The following ARHGEF7 variants were observed in gnomAD, a reference collection of about 807,000 sequenced individuals.
ARHGEF7 encodes the protein Rho guanine nucleotide exchange factor 7.
A neutral mutation model predicts 109.8 loss-of-function variants in ARHGEF7; 33 were observed. That is an observed-to-expected ratio of 0.30 (90% CI 0.23 to 0.40). The LOEUF is 0.40. Ranked by LOEUF, ARHGEF7 falls within the 10% of genes least tolerant of loss-of-function variation. ARHGEF7 has a pLI of 1.00. For missense variants in ARHGEF7, 938 were observed against 1,098.5 expected, an observed-to-expected ratio of 0.85 and a Z score of 2.07; for synonymous variants, 458 against 424.6, an observed-to-expected ratio of 1.08 and a Z score of -0.97.
chr13:111,273,896 T>G lies in ARHGEF7; in HGVS notation c.1156T>G (p.Phe386Val). 6.2e-7 allele frequency: 1 copy of G among 1,614,142 alleles called. No homozygotes were observed. Among genetic ancestry groups the G allele is most frequent in the Non-Finnish European group, 8.5e-7 (1 of 1,180,024 alleles). The part of the protein sequence containing the change: ...LVLTTGLSKP[F>V]MRLDKYPTLL... ...GCTGACCACGGGCCTGAGCAAACCC[T>G]TCATGCGCCTGGATAAATACCCTAC... Residue 386 changes from phenylalanine (F) to valine (V), a missense_variant, in exon 10 of 22, where the codon TTC becomes GTC. Transcript: ENST00000646102. The surrounding 1 kb of genome is among the most constrained non-coding windows in gnomAD (Gnocchi z 4.5).
chr13:111,212,542 T>C (rs3783088), intron 4 of ARHGEF7, among the ~76,000 whole-genome samples: 69,407 of 151,852 alleles, frequency 0.46, 16,580 homozygotes, highest in South Asian at 0.56. Context: ...AGTTTGGGGA[T>C]GGCGTTTGTG....
At chr13:111,156,601 TGTAAG>T (rs2153383538) in intron 2 of ARHGEF7, among the ~76,000 whole-genome samples, 1 of 152,356 alleles carries the variant, frequency 6.6e-6, no homozygotes, top group Non-Finnish European at 1.5e-5. Context: ...CTTCCAGCCT[TGTAAG>T]GTGATGTGAA....
At chr13:111,186,647 A>G (rs1444005406) in intron 2 of ARHGEF7, among the ~76,000 whole-genome samples, 7 of 152,246 alleles carry the variant, frequency 4.6e-5, no homozygotes, top group African/African-American at 1.4e-4. Context: ...TCCATTTGAC[A>G]GTGATAGGAC....
intron 2 of ARHGEF7, among the ~76,000 whole-genome samples, chr13:111,161,757 A>G (rs531967537): frequency 3.3e-5 from 5 of 152,158 alleles, no homozygotes; most frequent in African/African-American, 1.2e-4. Flanking sequence ...TTTTTTAACC[A>G]TTGCAAATAT....
At chr13:111,299,470 G>A (rs192383114) in intron 19 of ARHGEF7, among the ~76,000 whole-genome samples, 2,708 of 151,066 alleles carry the variant, frequency 0.018, 44 homozygotes, top group Middle Eastern at 0.079. Flanking sequence ...AGCCTCCCGA[G>A]TAGCTGGGAC....
chr13:111,153,564 T>C (rs995231702), intron 1 of ARHGEF7: 16 of 1,010,720 alleles, frequency 1.6e-5, no homozygotes, highest in Non-Finnish European at 1.8e-5. Flanking sequence ...CAAAGCAGGG[T>C]GGGCTGCGTC....
At chr13:111,290,351 T>C (rs931238837) in intron 18 of ARHGEF7, among the ~76,000 whole-genome samples, 2 of 152,000 alleles carry the variant, frequency 1.3e-5, no homozygotes, top group Non-Finnish European at 2.9e-5. Context: ...TAATTATACT[T>C]ATAACAGCTA....
At chr13:111,171,960 T>C (rs543196152) in intron 2 of ARHGEF7, among the ~76,000 whole-genome samples, 4 of 152,320 alleles carry the variant, frequency 2.6e-5, no homozygotes, top group African/African-American at 9.6e-5. Flanking sequence ...AATCAGTCCA[T>C]GCCTTGATCT....
At chr13:111,275,758 A>C in intron 12 of ARHGEF7, 80 bp downstream of exon 12, 552 of 1,544,422 alleles carry the variant, frequency 3.6e-4, no homozygotes, top group Non-Finnish European at 4.5e-4. Flanking sequence ...AAGGCATCTC[A>C]AGCGATGAAA....
At chr13:111,153,591 C>G (rs1431297499) in intron 1 of ARHGEF7, 11 of 1,116,802 alleles carry the variant, frequency 9.8e-6, no homozygotes, top group Non-Finnish European at 9.9e-6. Context: ...GGCGAACACC[C>G]GACGCTATCC....
intron 5 of ARHGEF7, among the ~76,000 whole-genome samples, chr13:111,225,743 A>C (rs961675412): frequency 2.0e-5 from 3 of 152,112 alleles, no homozygotes; most frequent in African/African-American, 4.8e-5. Flanking sequence ...TGGCAGACTT[A>C]ATTGATAAAT....
In ARHGEF7 at chr13:111,233,089, T is replaced by C. The variant is rs957997029; in HGVS notation, c.671-116T>C. 5 of 872,140 alleles carry C rather than the reference T, an allele frequency of 5.7e-6. No individual in the cohort carries two copies. In the Admixed American group the frequency reaches 7.3e-5, roughly 13 times the overall value. 54.0% of individuals were successfully genotyped at this position (872,140 alleles called of 1,614,324 possible). A position where few individuals can be genotyped will look rare whatever the true frequency, so the allele number is the denominator to read the frequency against. ...GGATGGCCTTTTCCTTGGCTTGCCA[T>C]TTGGCTTGTTAATTCAGTGAGGCTG... On this transcript the variant is annotated intron_variant, in intron 5 of 21. Transcript: ENST00000646102.
chr13:111,167,630 A>AT (rs2077231285), intron 2 of ARHGEF7, among the ~76,000 whole-genome samples: 1 of 152,194 alleles, frequency 6.6e-6, no homozygotes, highest in African/African-American at 2.4e-5. Flanking sequence ...TCTTAGTTAT[A>AT]AATGACATGT....
intron 1 of ARHGEF7, among the ~76,000 whole-genome samples, chr13:111,129,873 G>T (rs1188614337): frequency 6.6e-6 from 1 of 152,192 alleles, no homozygotes; most frequent in Non-Finnish European, 1.5e-5. Context: ...TCTACTTTGA[G>T]ATGTCTGCCC....
At chr13:111,205,163 T>C (rs2081656306) in intron 2 of ARHGEF7, 126 bp from the exon 3 acceptor site, 1 of 645,998 alleles carries the variant, frequency 1.5e-6, no homozygotes, top group Non-Finnish European at 2.7e-6. Context: ...CTGGTCTCCC[T>C]GTCGCAGGTT....
At chr13:111,275,784 C>G in intron 12 of ARHGEF7, 106 bp downstream of exon 12, 1 of 1,400,150 alleles carries the variant, frequency 7.1e-7, no homozygotes, top group Middle Eastern at 1.8e-4. Context: ...CTAATAGAAG[C>G]TCTATCTTAT....
chr13:111,178,290 A>G (rs949081593), intron 2 of ARHGEF7, among the ~76,000 whole-genome samples: 1 of 152,196 alleles, frequency 6.6e-6, no homozygotes, highest in African/African-American at 2.4e-5. Context: ...AATTACAAAA[A>G]CACAAAACCC....
At chr13:111,240,085 T>G (rs773720502) in intron 6 of ARHGEF7, among the ~76,000 whole-genome samples, 1 of 152,116 alleles carries the variant, frequency 6.6e-6, no homozygotes, top group Non-Finnish European at 1.5e-5. Context: ...AACAGACCGA[T>G]AGACTTGTCC....
intron 1 of ARHGEF7, among the ~76,000 whole-genome samples, chr13:111,150,827 G>C (rs138918450): frequency 0.018 from 2,668 of 152,300 alleles, 40 homozygotes; most frequent in Middle Eastern, 0.068. Flanking sequence ...TTCTTTGTTG[G>C]GGTGAGCATT....
Sources: allele counts gnomAD v4.1 joint callset (sites outside exome capture counted in the v4.1 genomes callset), GRCh38; gene constraint gnomAD v4.1.1; non-coding constraint Gnocchi (gnomAD v3.1); transcripts MANE v1.5; gene names NCBI Gene and HGNC (gene_info 2026-07-23, HGNC 2026-07-21).